SLC4A10: variants seen among roughly 807,000 people sequenced by gnomAD.
The protein encoded by SLC4A10 is solute carrier family 4 member 10.
Under a neutral mutation model 137.7 loss-of-function variants are expected in SLC4A10, and 42 were observed. The ratio of observed to expected loss-of-function variants is 0.30; its 90% CI spans 0.24 to 0.39. The LOEUF (loss-of-function observed/expected upper bound fraction) is 0.39, where lower values mean the gene tolerates loss of function less well. Ranked by LOEUF, SLC4A10 falls within the 10% of genes least tolerant of loss-of-function variation. The pLI, the probability that SLC4A10 is intolerant of heterozygous loss-of-function variation, is 1.00. For missense variants in SLC4A10, 925 were observed against 1,355.0 expected, an observed-to-expected ratio of 0.68 and a Z score of 4.98; for synonymous variants, 474 against 464.1, an observed-to-expected ratio of 1.02 and a Z score of -0.27.
At chr2:161,750,738 G>A (rs574838223) in intron 1 of SLC4A10, among the ~76,000 whole-genome samples, 1 of 151,770 alleles carries the variant, frequency 6.6e-6, no homozygotes, top group South Asian at 2.1e-4. Context: ...TATGTCTATT[G>A]AGTTCATTTG....
At chr2:161,659,392 G>C (rs1046841568) in intron 1 of SLC4A10, among the ~76,000 whole-genome samples, 1 of 152,192 alleles carries the variant, frequency 6.6e-6, no homozygotes, top group African/African-American at 2.4e-5. Flanking sequence ...GGAAAGGTGA[G>C]AGAATAATGG....
intron 14 of SLC4A10, 78 bp downstream of exon 14, chr2:161,904,987 T>C (rs2105336621): frequency 6.9e-7 from 1 of 1,453,366 alleles, no homozygotes; most frequent in East Asian, 2.3e-5. Flanking sequence ...AACATCACTT[T>C]TGGAGGTCTG....
At chr2:161,898,589 AT>A (rs1432859554) in intron 11 of SLC4A10, among the ~76,000 whole-genome samples, 2 of 152,042 alleles carry the variant, frequency 1.3e-5, no homozygotes, top group African/African-American at 2.4e-5. Flanking sequence ...CATTTTAAAT[AT>A]TTTTTCCCTT....
intron 1 of SLC4A10, among the ~76,000 whole-genome samples, chr2:161,685,543 G>T (rs2041298471): frequency 6.6e-6 from 1 of 152,072 alleles, no homozygotes; most frequent in Non-Finnish European, 1.5e-5. Flanking sequence ...AAGAGGTGGA[G>T]GTTGTAGTGA....
At chr2:161,926,075 G>T (rs1689015959) in intron 15 of SLC4A10, among the ~76,000 whole-genome samples, 1 of 151,924 alleles carries the variant, frequency 6.6e-6, no homozygotes, top group African/African-American at 2.4e-5. Flanking sequence ...GGTCCGCTTG[G>T]TGCAGAGCTG....
At chr2:161,949,104 T>C (rs547801925) in intron 17 of SLC4A10, 44 bp from the exon 18 acceptor site, 2 of 1,267,738 alleles carry the variant, frequency 1.6e-6, no homozygotes, top group East Asian at 4.7e-5. Context: ...TATTCCTTGA[T>C]ATTTATAGCT....
chr2:161,949,330 T>A, intron 18 of SLC4A10, 69 bp downstream of exon 18: 1 of 969,936 alleles, frequency 1.0e-6, no homozygotes, highest in Non-Finnish European at 1.6e-6. Flanking sequence ...TACCTATAAC[T>A]CTAGTACTTA....
intron 26 of SLC4A10, among the ~76,000 whole-genome samples, chr2:161,980,344 T>C (rs1333780822): frequency 6.6e-6 from 1 of 151,820 alleles, no homozygotes; most frequent in East Asian, 1.9e-4. Context: ...TTCTTGGAAA[T>C]ATTATTCATA....
At chr2:161,905,466 G>A (rs116554608) in intron 14 of SLC4A10, among the ~76,000 whole-genome samples, 176 bp from the exon 15 acceptor site, 2 of 152,312 alleles carry the variant, frequency 1.3e-5, no homozygotes, top group Admixed American at 6.5e-5. Context: ...TTCATAACAG[G>A]CCATGGACCA....
chr2:161,859,300 T>C (rs2060276938), intron 5 of SLC4A10, among the ~76,000 whole-genome samples: 1 of 133,346 alleles, frequency 7.5e-6, no homozygotes, highest in Non-Finnish European at 1.7e-5. Context: ...TCTTTTCTTT[T>C]TTTTTTTTTT....
rs1364618443 is a variant in SLC4A10 at position 161,630,570 on chromosome 2, A to G, written c.48+6004A>G. Among the ~76,000 whole-genome samples, 22 of 151,788 alleles carry G rather than the reference A, an allele frequency of 1.4e-4. 1 individual carries two copies. The highest frequency in any genetic ancestry group is 1.4e-3 in the Admixed American group (22 of 15,184). On this transcript the variant is annotated intron_variant, in intron 1 of 26. Transcript: ENST00000446997. ...AGATATATTTAAGGGCATGCTACTTATGATGCTAGTTAATGGCAGAACTCA... is the reference window on the plus strand; with the variant it reads ...AGATATATTTAAGGGCATGCTACTTGTGATGCTAGTTAATGGCAGAACTCA...
intron 1 of SLC4A10, among the ~76,000 whole-genome samples, chr2:161,751,841 A>C (rs2049017750): frequency 6.6e-6 from 1 of 151,968 alleles, no homozygotes; most frequent in Non-Finnish European, 1.5e-5. Flanking sequence ...TCTTCCAAGT[A>C]GGAGTTTTCT....
chr2:161,771,399 T>A (rs2051590584), intron 2 of SLC4A10, among the ~76,000 whole-genome samples: 1 of 151,812 alleles, frequency 6.6e-6, no homozygotes, highest in Non-Finnish European at 1.5e-5. Context: ...GAGAGGTGAA[T>A]GTAGGACAGG....
chr2:161,805,211 A>T (rs2055808480), intron 3 of SLC4A10, among the ~76,000 whole-genome samples: 1 of 152,246 alleles, frequency 6.6e-6, no homozygotes, highest in East Asian at 1.9e-4. Flanking sequence ...CACTATCACG[A>T]GAAAAGCACA....
At chr2:161,790,965 C>A (rs189788347) in intron 2 of SLC4A10, among the ~76,000 whole-genome samples, 4 of 152,188 alleles carry the variant, frequency 2.6e-5, no homozygotes, top group African/African-American at 9.6e-5. Flanking sequence ...CGTCAAGAAA[C>A]AACAGATGCT....
At position 161,882,357 on chromosome 2, in the gene SLC4A10, A is replaced by G; in HGVS notation, c.1107A>G (p.Arg369=). ...QGLAEVPIPT[R]FLFILLGPLG... ...ACATTTTTTTTCTTCTTAATTACAG[A>G]TTTTTGTTCATTCTTCTGGGACCCC... Residue 369 remains arginine (R), a splice_region_variant and synonymous_variant, in exon 10 of 27, where the codon AGA becomes AGG. Transcript: ENST00000446997. The G allele has an allele frequency of 6.4e-7, 1 of 1,554,076 alleles. No individual in the cohort carries two copies. The highest frequency in any genetic ancestry group is 2.3e-5 in the East Asian group (1 of 43,034).
In SLC4A10 at chr2:161,660,616, CT is replaced by C. The variant is rs1215896908; in HGVS notation, c.48+36053del. 1.5e-4 allele frequency among the ~76,000 whole-genome samples: 22 copies of C among 146,206 alleles called. 1 individual carries two copies. The East Asian group carries it at 2.8e-3, about 19-fold the overall frequency. On this transcript the variant is annotated intron_variant, in intron 1 of 26. Coordinates refer to ENST00000446997, the MANE Select transcript of SLC4A10 (RefSeq NM_001178015.2). Reference sequence around the variant, plus strand: ...TCTTTCTTTCTTTCTTTCTTTCTTTCTTTCTTTCTTCCTTTCCTTCTTTCCT... The same window carrying C: ...TCTTTCTTTCTTTCTTTCTTTCTTTCTTCTTTCTTCCTTTCCTTCTTTCCT...
intron 1 of SLC4A10, among the ~76,000 whole-genome samples, chr2:161,757,899 C>G (rs1048714400): frequency 1.3e-5 from 2 of 151,864 alleles, no homozygotes; most frequent in African/African-American, 4.8e-5. Context: ...AAACTTAACC[C>G]AAAGAATAAA....
intron 2 of SLC4A10, among the ~76,000 whole-genome samples, chr2:161,779,557 T>G (rs895647320): frequency 6.6e-6 from 1 of 152,048 alleles, no homozygotes; most frequent in Admixed American, 6.6e-5. Context: ...TTCAAGTGTT[T>G]TAGACTAAAA....
Sources: allele counts gnomAD v4.1 joint callset (sites outside exome capture counted in the v4.1 genomes callset), GRCh38; gene constraint gnomAD v4.1.1; transcripts MANE v1.5; gene names NCBI Gene and HGNC (gene_info 2026-07-23, HGNC 2026-07-21).